GARIN2: variants seen among roughly 807,000 people sequenced by gnomAD.
The protein encoded by GARIN2 is golgi associated RAB2 interactor family member 2.
At chr14:67,216,998 A>G in the GARIN2 span, among the ~76,000 whole-genome samples, 1 of 152,182 alleles carries the variant, frequency 6.6e-6, no homozygotes, top group East Asian at 1.9e-4. Context: ...GTCCAAGGCT[A>G]AGAGTGGGTG....
chr14:67,214,622 T>C, the GARIN2 span, among the ~76,000 whole-genome samples: 1 of 152,180 alleles, frequency 6.6e-6, no homozygotes, highest in Non-Finnish European at 1.5e-5. Flanking sequence ...TTTGTTCTTT[T>C]GGCTTAGGAT....
the GARIN2 span, among the ~76,000 whole-genome samples, chr14:67,191,120 G>A: frequency 6.6e-6 from 1 of 152,172 alleles, no homozygotes; most frequent in Middle Eastern, 3.2e-3. Flanking sequence ...TCTAATCCCA[G>A]CTACTCAGGA....
At chr14:67,208,569 T>C in the GARIN2 span, 26 of 1,052,666 alleles carry the variant, frequency 2.5e-5, no homozygotes, top group Non-Finnish European at 3.1e-5. Flanking sequence ...ACAGATGTAG[T>C]GTAACTGAAT....
At chr14:67,198,183 A>G in the GARIN2 span, 1 of 1,613,094 alleles carries the variant, frequency 6.2e-7, no homozygotes, top group Non-Finnish European at 8.5e-7. Context: ...CACCAGCAAG[A>G]CTACCATGAG....
At chr14:67,207,203 G>C in the GARIN2 span, among the ~76,000 whole-genome samples, 1 of 152,066 alleles carries the variant, frequency 6.6e-6, no homozygotes, top group African/African-American at 2.4e-5. Context: ...AAAGAAAAGA[G>C]GGTTAATTGG....
At chr14:67,212,077 A>G in the GARIN2 span, among the ~76,000 whole-genome samples, 1 of 152,142 alleles carries the variant, frequency 6.6e-6, no homozygotes, top group Non-Finnish European at 1.5e-5. Context: ...AATGCATGCT[A>G]AAGTCAAATA....
At chr14:67,222,403 T>C in the GARIN2 span, among the ~76,000 whole-genome samples, 22,583 of 152,182 alleles carry the variant, frequency 0.15, 3,142 homozygotes, top group East Asian at 0.42. Flanking sequence ...GTGATTCTGC[T>C]GCCTCAGCCT....
At chr14:67,197,543 C>T in the GARIN2 span, among the ~76,000 whole-genome samples, 1 of 149,370 alleles carries the variant, frequency 6.7e-6, no homozygotes, top group South Asian at 2.1e-4. Context: ...TCAGTGGTCC[C>T]CTTGGCAGCA....
At chr14:67,226,181 T>C in the GARIN2 span, among the ~76,000 whole-genome samples, 3 of 152,116 alleles carry the variant, frequency 2.0e-5, no homozygotes, top group Admixed American at 1.3e-4. Flanking sequence ...TTTATTTACT[T>C]GTTTATTTAT....
chr14:67,210,549 G>A, the GARIN2 span, among the ~76,000 whole-genome samples: 53 of 152,314 alleles, frequency 3.5e-4, no homozygotes, highest in African/African-American at 1.2e-3. Flanking sequence ...AGTCTGGGAA[G>A]AAACCACAGT....
chr14:67,204,950 C>T, the GARIN2 span: 6 of 1,608,006 alleles, frequency 3.7e-6, no homozygotes, highest in African/African-American at 4.0e-5. Flanking sequence ...CCAGAGGTCC[C>T]GGATGTAAGA....
chr14:67,190,967 C>T, the GARIN2 span, among the ~76,000 whole-genome samples: 2 of 152,322 alleles, frequency 1.3e-5, no homozygotes, highest in Admixed American at 6.5e-5. Flanking sequence ...GGTGCAGTGG[C>T]TCATGCCTGT....
chr14:67,205,014 T>G, the GARIN2 span: 1 of 1,556,382 alleles, frequency 6.4e-7, no homozygotes, highest in Non-Finnish European at 8.7e-7. Context: ...CAGACAGCTC[T>G]GATATTACAA....
At chr14:67,226,908 G>A in the GARIN2 span, among the ~76,000 whole-genome samples, 25 of 152,210 alleles carry the variant, frequency 1.6e-4, no homozygotes, top group African/African-American at 5.3e-4. Context: ...AGGGTGACAC[G>A]TGCTGGCTCC....
the GARIN2 span, among the ~76,000 whole-genome samples, chr14:67,207,489 T>G: frequency 2.0e-5 from 3 of 151,518 alleles, no homozygotes; most frequent in Non-Finnish European, 4.4e-5. Context: ...CTAGGCCCAC[T>G]TCCAACATTG....
the GARIN2 span, chr14:67,205,060 G>T: frequency 2.6e-6 from 4 of 1,551,306 alleles, no homozygotes; most frequent in South Asian, 3.6e-5. Flanking sequence ...TGAAAACAAT[G>T]ACTTAATCAG....
chr14:67,210,125 G>T, the GARIN2 span, among the ~76,000 whole-genome samples: 1 of 152,174 alleles, frequency 6.6e-6, no homozygotes, highest in Non-Finnish European at 1.5e-5. Flanking sequence ...ACATGTCAAA[G>T]AAATCATTCA....
At chr14:67,228,493 G>A in the GARIN2 span, 1 of 164,492 alleles carries the variant, frequency 6.1e-6, no homozygotes, top group South Asian at 2.0e-4. Flanking sequence ...CAGTGCAAGA[G>A]GAAAACCAAG....
At chr14:67,215,005 C>T in the GARIN2 span, among the ~76,000 whole-genome samples, 3 of 152,028 alleles carry the variant, frequency 2.0e-5, no homozygotes, top group African/African-American at 7.3e-5. Flanking sequence ...GTGATTTTTG[C>T]ACATTGATTT....
Sources: allele counts gnomAD v4.1 joint callset (sites outside exome capture counted in the v4.1 genomes callset), GRCh38; gene constraint gnomAD v4.1.1; transcripts MANE v1.5; gene names NCBI Gene and HGNC (gene_info 2026-07-23, HGNC 2026-07-21).